YIF1B: variants seen among roughly 807,000 people sequenced by gnomAD.
YIF1B encodes protein YIF1B.
A neutral mutation model predicts 34.6 loss-of-function variants in YIF1B; 24 were observed. The observed-to-expected ratio is 0.69, with a 90% confidence interval of 0.50 to 0.98. The LOEUF (loss-of-function observed/expected upper bound fraction) is 0.98. Among genes scored for constraint, YIF1B ranks in the 50% least tolerant of loss-of-function variants. YIF1B has a pLI of 0.00. For synonymous variants in YIF1B, 186 were observed against 184.8 expected (o/e 1.01, Z -0.05); for missense variants, 368 against 429.4 (o/e 0.86, Z 1.26).
intron 1 of YIF1B, among the ~76,000 whole-genome samples, chr19:38,313,102 C>T (rs546950271): frequency 1.3e-5 from 2 of 152,154 alleles, no homozygotes; most frequent in South Asian, 4.1e-4. Context: ...TAGGCGCACG[C>T]CACCAAGCCC....
rs1351078165 is a variant in YIF1B at position 38,304,521 on chromosome 19, G to C, written c.*831C>G. 2 of 1,567,284 alleles carry C rather than the reference G, an allele frequency of 1.3e-6. No individual in the cohort carries two copies. Among genetic ancestry groups the C allele is most frequent in the Non-Finnish European group, 1.7e-6 (2 of 1,156,412 alleles). ...TCGCCTCATCACCGGCTGCGGAGGG[G>C]CGGGAAGGCTGGGGTTGCCCCTGAC... On this transcript the variant is annotated 3_prime_UTR_variant, in exon 8 of 8. Coordinates refer to ENST00000339413, the MANE Select transcript of YIF1B (RefSeq NM_001039672.3).
At chr19:38,309,991 T>G (rs4804010) in intron 1 of YIF1B, 1 of 436,008 alleles carries the variant, frequency 2.3e-6, no homozygotes, top group Non-Finnish European at 3.6e-6. Flanking sequence ...CATCCATCCA[T>G]CCAGCCATCC....
chr19:38,314,173 GCGCCACCA>G (rs1202277995), intron 1 of YIF1B, among the ~76,000 whole-genome samples: 1 of 149,678 alleles, frequency 6.7e-6, no homozygotes, highest in African/African-American at 2.5e-5. Flanking sequence ...TTACAGGTGC[GCGCCACCA>G]CGCCCGGCTA....
chr19:38,316,275 G>A (rs1466217314), upstream of YIF1B, among the ~76,000 whole-genome samples: 1 of 152,004 alleles, frequency 6.6e-6, no homozygotes, highest in Non-Finnish European at 1.5e-5. Flanking sequence ...GGAGGCCGAG[G>A]CGGGAGGATT....
upstream of YIF1B, among the ~76,000 whole-genome samples, chr19:38,316,558 A>G (rs1969561150): frequency 6.6e-6 from 1 of 152,208 alleles, no homozygotes; most frequent in Non-Finnish European, 1.5e-5. Flanking sequence ...ACAGCCGTTC[A>G]GTTTGGGTCA....
chr19:38,313,693 A>C (rs1414185806), intron 1 of YIF1B, among the ~76,000 whole-genome samples: 7 of 152,148 alleles, frequency 4.6e-5, no homozygotes, highest in Non-Finnish European at 7.4e-5. Context: ...ATGGTTTGCA[A>C]CCTCTCCTGG....
upstream of YIF1B, chr19:38,320,145 A>C: frequency 6.3e-7 from 1 of 1,594,036 alleles, no homozygotes; most frequent in Non-Finnish European, 8.5e-7. Context: ...TCGTGGAGCG[A>C]GTGCTGGCGG....
chr19:38,304,462 C>T lies in YIF1B; in HGVS notation c.*890G>A, dbSNP rs373145066. 2.6e-6 allele frequency: 4 copies of T among 1,555,976 alleles called. No homozygotes were observed. The highest frequency in any genetic ancestry group is 2.7e-5 in the African/African-American group (2 of 73,506). On this transcript the variant is annotated 3_prime_UTR_variant, in exon 8 of 8. Transcript: ENST00000339413. ...AGTCCCCACAAAGTTCAGGGCCGGTCGGAGGCAGGGGCAGGTCCGGGTCCA... is the reference window on the plus strand; with the variant it reads ...AGTCCCCACAAAGTTCAGGGCCGGTTGGAGGCAGGGGCAGGTCCGGGTCCA...
upstream of YIF1B, chr19:38,315,982 C>T (rs1055915751): frequency 2.9e-6 from 4 of 1,368,616 alleles, no homozygotes; most frequent in East Asian, 3.0e-5. Context: ...ACCCACGCCC[C>T]GCCGGCGAAG....
upstream of YIF1B, chr19:38,320,418 C>T (rs1969637621): frequency 4.7e-6 from 4 of 859,938 alleles, no homozygotes; most frequent in South Asian, 5.4e-5. Flanking sequence ...AGTGAGGACC[C>T]GGGACCCAGG....
At chr19:38,305,737 G>A (rs1382181255) in intron 7 of YIF1B, among the ~76,000 whole-genome samples, 1 of 152,214 alleles carries the variant, frequency 6.6e-6, no homozygotes, top group Non-Finnish European at 1.5e-5. Flanking sequence ...AATCTGAGAA[G>A]GTTCCATACT....
At chr19:38,316,613 GA>G (rs750143220), upstream of YIF1B, among the ~76,000 whole-genome samples, 5 of 152,234 alleles carry the variant, frequency 3.3e-5, no homozygotes, top group Non-Finnish European at 7.3e-5. Context: ...GCAAGGAAAA[GA>G]GAAACATTTG....
chr19:38,312,060 G>A (rs544331896), intron 1 of YIF1B, among the ~76,000 whole-genome samples: 7 of 152,070 alleles, frequency 4.6e-5, no homozygotes, highest in Non-Finnish European at 7.4e-5. Context: ...CCAAGATCGC[G>A]CCACTGCACT....
rs369719001 is a variant in YIF1B at position 38,304,409 on chromosome 19, G to A, written c.*943C>T. 5.3e-5 allele frequency: 83 copies of A among 1,566,590 alleles called. No individual in the cohort carries two copies. The highest frequency in any genetic ancestry group is 1.7e-4 in the Middle Eastern group (1 of 6,020). ...CCACCTCCCAGAAGCCCGGTGTGGG[G>A]GCGGGCCACGGGGGAGATCCCAAGC... On this transcript the variant is annotated 3_prime_UTR_variant, in exon 8 of 8. Coordinates refer to ENST00000339413, the MANE Select transcript of YIF1B (RefSeq NM_001039672.3).
chr19:38,306,682 T>A (rs954470096), intron 7 of YIF1B: 5 of 242,966 alleles, frequency 2.1e-5, no homozygotes, highest in African/African-American at 1.2e-4. Context: ...AGTTTATTTT[T>A]TATTTTTATT....
chr19:38,316,436 C>T (rs1969556760), upstream of YIF1B, among the ~76,000 whole-genome samples: 3 of 152,032 alleles, frequency 2.0e-5, no homozygotes, highest in Non-Finnish European at 4.4e-5. Flanking sequence ...ATCGCTTGAG[C>T]CCAGGAGTTC....
upstream of YIF1B, chr19:38,319,856 AGC>A (rs1222355637): frequency 1.7e-6 from 2 of 1,207,292 alleles, no homozygotes; most frequent in Non-Finnish European, 2.1e-6. Context: ...CCGCGCCTGT[AGC>A]ACTCCCGGAA....
chr19:38,318,324 C>G (rs771166426), upstream of YIF1B, among the ~76,000 whole-genome samples: 99 of 151,642 alleles, frequency 6.5e-4, no homozygotes, highest in Non-Finnish European at 1.8e-4. Flanking sequence ...TACTCTATCA[C>G]CCATACTGGA....
chr19:38,320,764 G>T (rs1212383460), upstream of YIF1B, among the ~76,000 whole-genome samples: 1 of 151,960 alleles, frequency 6.6e-6, no homozygotes, highest in Non-Finnish European at 1.5e-5. Context: ...TCACCATGTT[G>T]GCCAGGCTGG....
Sources: allele counts gnomAD v4.1 joint callset (sites outside exome capture counted in the v4.1 genomes callset), GRCh38; gene constraint gnomAD v4.1.1; transcripts MANE v1.5; gene names NCBI Gene and HGNC (gene_info 2026-07-23, HGNC 2026-07-21).